ADGRL3: variants seen among roughly 807,000 people sequenced by gnomAD.
ADGRL3 encodes calcium-independent alpha-latrotoxin receptor 3.
Under a neutral mutation model 153.5 loss-of-function variants are expected in ADGRL3, and 62 were observed. The observed-to-expected ratio is 0.40, with a 90% CI of 0.33 to 0.50. The LOEUF (loss-of-function observed/expected upper bound fraction) is 0.50. ADGRL3 is among the 20% of genes least tolerant of loss of function. The pLI, the probability that ADGRL3 is intolerant of heterozygous loss-of-function variation, is 0.47. For missense variants in ADGRL3, 1,641 were observed against 1,859.4 expected, an observed-to-expected ratio of 0.88 and a Z score of 2.16; for synonymous variants, 710 against 672.5, an observed-to-expected ratio of 1.06 and a Z score of -0.86.
intron 5 of ADGRL3, among the ~76,000 whole-genome samples, chr4:61,588,578 G>A (rs556189221): frequency 1.1e-4 from 17 of 151,912 alleles, no homozygotes; most frequent in Admixed American, 2.6e-4. Context: ...GCTTTTATTT[G>A]TCTATTACTA....
intron 8 of ADGRL3, among the ~76,000 whole-genome samples, chr4:61,766,860 G>A (rs1190321513): frequency 6.6e-6 from 1 of 151,986 alleles, no homozygotes; most frequent in Non-Finnish European, 1.5e-5. Context: ...ACCACGGGGT[G>A]GATAGGCAAA....
chr4:61,883,210 C>T (rs1022939827), intron 9 of ADGRL3, among the ~76,000 whole-genome samples: 1 of 152,176 alleles, frequency 6.6e-6, no homozygotes, highest in Non-Finnish European at 1.5e-5. Flanking sequence ...ATCCTTAGCA[C>T]TTCTTAATAT....
chr4:61,445,502 A>G (rs999755020), intron 2 of ADGRL3, among the ~76,000 whole-genome samples: 8 of 152,210 alleles, frequency 5.3e-5, no homozygotes, highest in African/African-American at 1.9e-4. Context: ...TAGGAGTGTC[A>G]TAGGCCTTGA....
intron 4 of ADGRL3, among the ~76,000 whole-genome samples, chr4:61,547,544 G>A (rs1180115796): frequency 6.6e-6 from 1 of 151,896 alleles, no homozygotes; most frequent in East Asian, 1.9e-4. Context: ...AGTTTACTTA[G>A]GATAATGTCC....
chr4:61,554,338 C>T (rs1442357423), intron 4 of ADGRL3, among the ~76,000 whole-genome samples: 3 of 151,756 alleles, frequency 2.0e-5, no homozygotes, highest in East Asian at 1.9e-4. Flanking sequence ...GGATTACAGG[C>T]GCGTGCCACC....
intron 2 of ADGRL3, among the ~76,000 whole-genome samples, chr4:61,457,354 G>T (rs1215787766): frequency 6.6e-6 from 1 of 151,860 alleles, no homozygotes; most frequent in Non-Finnish European, 1.5e-5. Flanking sequence ...TTAATGCAAT[G>T]TTATTTTAAT....
rs146339252 is a variant in ADGRL3, at chr4:61,588,611, G to A, written c.473+1171G>A. Among the ~76,000 whole-genome samples, 18 of 152,050 alleles carry A rather than the reference G, an allele frequency of 1.2e-4. No homozygotes were observed. The East Asian group carries it at 2.9e-3, about 25-fold the overall frequency. On this transcript the variant is annotated intron_variant, in intron 5 of 26. Coordinates refer to ENST00000683033, the MANE Select transcript of ADGRL3 (RefSeq NM_001387552.1). ...CTAAAATGATGGCTCATGCTAAGGT[G>A]AGCATTAATAAGAAATAAGATATTA...
rs912347493 is a variant in ADGRL3 at position 61,733,001 on chromosome 4, T to C, written c.846T>C (p.Tyr282=). The C allele has an allele frequency of 3.1e-6, 5 of 1,613,642 alleles. No individual in the cohort carries two copies. Among genetic ancestry groups the C allele is most frequent in the Non-Finnish European group, 4.2e-6 (5 of 1,179,846 alleles). Residue 282 remains tyrosine (Y), a synonymous_variant, in exon 8 of 27, where the codon TAT becomes TAC. Transcript: ENST00000683033. ...TGGATGGCACAGGATTTGTAGTGTA[T>C]GATGGAGCTTTGTTCTTCAACAAAG... ...HRVDGTGFVV[Y]DGALFFNKER...
chr4:61,752,115 C>T lies in ADGRL3; in HGVS notation c.1399+18561C>T, dbSNP rs374595077. Among the ~76,000 whole-genome samples, 33 of 152,224 alleles carry T rather than the reference C, an allele frequency of 2.2e-4. No homozygotes were observed. The South Asian group carries it at 6.8e-3, about 32-fold the overall frequency. The stretch of plus-strand genomic sequence containing the variant: ...ATAACCACTTGGAGAGCAATTTGTC[C>T]ATACTTACCTCGGGAAGAAAAGTAT... On this transcript the variant is annotated intron_variant, in intron 8 of 26. Coordinates refer to ENST00000683033, the MANE Select transcript of ADGRL3 (RefSeq NM_001387552.1).
chr4:61,558,626 T>C (rs940197484), intron 4 of ADGRL3, among the ~76,000 whole-genome samples: 3 of 151,970 alleles, frequency 2.0e-5, no homozygotes, highest in Middle Eastern at 6.3e-3. Context: ...CAATCAATCA[T>C]CTATCTGTCT....
chr4:62,014,693 T>A (rs2099203249), intron 21 of ADGRL3, among the ~76,000 whole-genome samples: 1 of 152,176 alleles, frequency 6.6e-6, no homozygotes, highest in Non-Finnish European at 1.5e-5. Context: ...TTGAGAATCA[T>A]GGCTCAAGCT....
At chr4:61,677,178 T>C (rs1415957280) in intron 6 of ADGRL3, 2 of 408,460 alleles carry the variant, frequency 4.9e-6, no homozygotes, top group Non-Finnish European at 9.0e-6. Context: ...AACACACTTT[T>C]CTTAATTAAT....
chr4:61,688,764 A>G (rs995460330), intron 6 of ADGRL3, among the ~76,000 whole-genome samples: 1 of 152,082 alleles, frequency 6.6e-6, no homozygotes, highest in African/African-American at 2.4e-5. Context: ...CACAGACAAA[A>G]CCTTTGCCCT....
In ADGRL3 at chr4:62,076,360, G is replaced by A. The variant is rs1747144347; in HGVS notation, c.*5452G>A. On this transcript the variant is annotated 3_prime_UTR_variant, in exon 27 of 27. Transcript: ENST00000683033. ...TGCAAACTAATTTTTAGGAAGGCTT[G>A]TGAAAGAACTTTGATTTATGTGAAG... The A allele has an allele frequency of 6.6e-6, 1 of 152,014 alleles. No individual in the cohort carries two copies. The highest frequency in any genetic ancestry group is 1.5e-5 in the Non-Finnish European group (1 of 67,958). 9.4% of individuals were successfully genotyped at this position (152,014 alleles called of 1,614,324 possible). A position where few individuals can be genotyped will look rare whatever the true frequency, so the allele number is the denominator to read the frequency against.
intron 13 of ADGRL3, among the ~76,000 whole-genome samples, chr4:61,933,599 A>T (rs1476476502): frequency 6.6e-6 from 1 of 152,204 alleles, no homozygotes; most frequent in African/African-American, 2.4e-5. Context: ...TTTTTGGCCA[A>T]AACTTGGAAT....
Position 61,892,833 on chromosome 4 carries a change from C to T in ADGRL3, c.1658C>T (p.Pro553Leu), listed in dbSNP as rs1398036265. Residue 553 changes from proline to leucine, a missense_variant, in exon 10 of 27, where the codon CCA becomes CTA. Physicochemically the swap from Pro to Leu is moderately conservative, Grantham distance 98 (BLOSUM62 -3). This residue lies in a region of ADGRL3 where 734 missense variants were observed against 797.0 expected (regional missense o/e 0.92). Coordinates refer to ENST00000683033, the MANE Select transcript of ADGRL3 (RefSeq NM_001387552.1). ...EVLDDMTTHL[P>L]SASSQIPALE... Reference sequence around the variant, plus strand: ...CTTGATGACATGACCACACACCTTCCATCAGCATCGTCCCAAATCCCAGCT... The same window carrying T: ...CTTGATGACATGACCACACACCTTCTATCAGCATCGTCCCAAATCCCAGCT... 1 of 1,613,616 alleles carries T rather than the reference C, an allele frequency of 6.2e-7. No homozygotes were observed. The highest frequency in any genetic ancestry group is 8.5e-7 in the Non-Finnish European group (1 of 1,179,806).
At position 61,629,746 on chromosome 4, in the gene ADGRL3, A is replaced by G. The variant is rs1475531273; in HGVS notation, c.473+42306A>G. Among the ~76,000 whole-genome samples the G allele has an allele frequency of 2.1e-5, 3 of 146,288 alleles. No individual in the cohort carries two copies. The East Asian group carries it at 6.0e-4, about 29-fold the overall frequency. On this transcript the variant is annotated intron_variant, in intron 5 of 26. Transcript: ENST00000683033. ...CAAAAAAAAAAAAAAAAAAAAAAAA[A>G]AAAAAAAAAAAAAAAAAAAATTCCA...
At chr4:61,371,636 C>T (rs547114367) in intron 1 of ADGRL3, among the ~76,000 whole-genome samples, 202 of 152,064 alleles carry the variant, frequency 1.3e-3, no homozygotes, top group African/African-American at 4.4e-3. Flanking sequence ...GAGGGTAACC[C>T]GACCTTTCTC....
Position 62,078,178 on chromosome 4 carries a change from C to G in ADGRL3, c.*7270C>G, listed in dbSNP as rs1747742245. 6.6e-6 allele frequency: 1 copy of G among 151,956 alleles called. No individual in the cohort carries two copies. Among genetic ancestry groups the G allele is most frequent in the Admixed American group, 6.6e-5 (1 of 15,208 alleles). 9.4% of individuals were successfully genotyped at this position (151,956 alleles called of 1,614,324 possible). A position where few individuals can be genotyped will look rare whatever the true frequency, so the allele number is the denominator to read the frequency against. On this transcript the variant is annotated 3_prime_UTR_variant, in exon 27 of 27. Transcript: ENST00000683033. The stretch of plus-strand genomic sequence containing the variant: ...CGCTTAGGATTCTCATATATTTACA[C>G]ATGGCATTATTCTTTTCATATACAC...
Sources: allele counts gnomAD v4.1 joint callset (sites outside exome capture counted in the v4.1 genomes callset), GRCh38; gene constraint gnomAD v4.1.1; regional missense constraint gnomAD v4.1.1; transcripts MANE v1.5; gene names NCBI Gene and HGNC (gene_info 2026-07-23, HGNC 2026-07-21).